TYW1B: variants seen among roughly 807,000 people sequenced by gnomAD.
TYW1B encodes the protein tRNA-yW synthesizing protein 1 homolog B.
A neutral mutation model predicts 86.9 loss-of-function variants in TYW1B; 73 were observed. The ratio of observed to expected loss-of-function variants is 0.84; its 90% CI spans 0.70 to 1.02. The LOEUF (loss-of-function observed/expected upper bound fraction) is 1.02. Among genes scored for constraint, TYW1B ranks in the 50% least tolerant of loss-of-function variants. TYW1B has a pLI of 0.00. For synonymous variants in TYW1B, 248 were observed against 292.8 expected, an observed-to-expected ratio of 0.85 and a Z score of 1.56; for missense variants, 637 against 827.4, an observed-to-expected ratio of 0.77 and a Z score of 2.82.
chr7:72,672,473 A>AACACAC (rs57744814), intron 11 of TYW1B, among the ~76,000 whole-genome samples: 32,436 of 140,670 alleles, frequency 0.23, 3,758 homozygotes, highest in Middle Eastern at 0.31. Flanking sequence ...TACACACACA[A>AACACAC]ACACACACAC....
intron 11 of TYW1B, among the ~76,000 whole-genome samples, chr7:72,631,536 A>G (rs1322154938): frequency 1.3e-5 from 2 of 152,026 alleles, no homozygotes; most frequent in South Asian, 4.1e-4. Context: ...AAATAAATAA[A>G]TGCATTTCTA....
intron 10 of TYW1B, among the ~76,000 whole-genome samples, chr7:72,705,321 A>G (rs1271965878): frequency 3.3e-5 from 5 of 152,260 alleles, no homozygotes; most frequent in Non-Finnish European, 5.9e-5. Context: ...AGCAAAAACT[A>G]GAGAAAAAAC....
At chr7:72,634,185 T>A (rs1444082178) in intron 11 of TYW1B, among the ~76,000 whole-genome samples, 1 of 151,928 alleles carries the variant, frequency 6.6e-6, no homozygotes, top group Non-Finnish European at 1.5e-5. Context: ...CCTCCTTTTT[T>A]TTTTCTGGCT....
intron 11 of TYW1B, among the ~76,000 whole-genome samples, chr7:72,662,422 T>C (rs1489799197): frequency 1.4e-5 from 1 of 70,014 alleles, no homozygotes; most frequent in African/African-American, 5.1e-5. Context: ...TTTTAATATA[T>C]ATATATAGAT....
At chr7:72,705,744 G>A (rs1814593554) in intron 10 of TYW1B, among the ~76,000 whole-genome samples, 1 of 152,166 alleles carries the variant, frequency 6.6e-6, no homozygotes, top group African/African-American at 2.4e-5. Context: ...GGATTCAAAT[G>A]TCCACAAGAT....
At chr7:72,768,871 G>A in intron 7 of TYW1B, 1 of 322,260 alleles carries the variant, frequency 3.1e-6, no homozygotes, top group Admixed American at 3.9e-5. Context: ...CTCTAAGAAT[G>A]GTTTACTGTG....
intron 11 of TYW1B, among the ~76,000 whole-genome samples, chr7:72,640,171 A>AG (rs1373114249): frequency 6.6e-6 from 1 of 152,084 alleles, no homozygotes; most frequent in East Asian, 1.9e-4. Flanking sequence ...AAAAAAATAG[A>AG]GAAAAAGACA....
At chr7:72,819,558 G>A (rs1363171166) in intron 2 of TYW1B, among the ~76,000 whole-genome samples, 6 of 152,144 alleles carry the variant, frequency 3.9e-5, no homozygotes, top group African/African-American at 9.6e-5. Flanking sequence ...TCAGCCACCC[G>A]AGTAGCTAGG....
intron 7 of TYW1B, among the ~76,000 whole-genome samples, chr7:72,771,578 A>AAAC (rs1254347369): frequency 6.6e-6 from 1 of 152,180 alleles, no homozygotes; most frequent in Non-Finnish European, 1.5e-5. Context: ...GAATAAAAAC[A>AAAC]AACAAAAAAA....
chr7:72,790,498 T>C (rs1348882742), intron 6 of TYW1B, among the ~76,000 whole-genome samples: 2 of 152,148 alleles, frequency 1.3e-5, no homozygotes, highest in Admixed American at 6.6e-5. Context: ...TCTGCCCCAC[T>C]GGGTCTGGCA....
intron 13 of TYW1B, among the ~76,000 whole-genome samples, chr7:72,592,715 CA>C (rs1811424894): frequency 1.3e-5 from 2 of 152,076 alleles, no homozygotes; most frequent in South Asian, 4.1e-4. Context: ...GTATTCCATG[CA>C]AACAGTAACC....
At chr7:72,587,911 C>A (rs1811309874) in intron 13 of TYW1B, among the ~76,000 whole-genome samples, 1 of 152,140 alleles carries the variant, frequency 6.6e-6, no homozygotes, top group Admixed American at 6.5e-5. Flanking sequence ...TAGGTGAGAT[C>A]TCTTTCTTTG....
intron 13 of TYW1B, among the ~76,000 whole-genome samples, chr7:72,583,306 T>C (rs571330033): frequency 2.0e-5 from 3 of 152,226 alleles, no homozygotes; most frequent in South Asian, 4.1e-4. Context: ...GCCGAGATCG[T>C]GCCACTGCAC....
intron 11 of TYW1B, among the ~76,000 whole-genome samples, chr7:72,685,554 T>C (rs537721023): frequency 9.7e-4 from 148 of 152,084 alleles, no homozygotes; most frequent in Non-Finnish European, 1.6e-3. Context: ...AGTAATACAA[T>C]GGGGAGAAGA....
intron 10 of TYW1B, among the ~76,000 whole-genome samples, chr7:72,705,881 C>T (rs1814596785): frequency 6.6e-6 from 1 of 152,148 alleles, no homozygotes; most frequent in Non-Finnish European, 1.5e-5. Context: ...TACAAGGTGT[C>T]GTCAGCATTA....
intron 11 of TYW1B, among the ~76,000 whole-genome samples, chr7:72,664,372 T>A (rs1813411076): frequency 6.6e-6 from 1 of 152,154 alleles, no homozygotes; most frequent in Admixed American, 6.6e-5. Context: ...AGGTAACTAG[T>A]AGATAACTAG....
intron 9 of TYW1B, among the ~76,000 whole-genome samples, chr7:72,725,329 C>T (rs1168494996): frequency 2.6e-5 from 4 of 152,300 alleles, no homozygotes; most frequent in African/African-American, 9.6e-5. Flanking sequence ...TTCCTCCTCA[C>T]ACAAACTGCC....
chr7:72,743,833 A>C (rs1554462920), intron 8 of TYW1B, among the ~76,000 whole-genome samples: 1 of 150,482 alleles, frequency 6.6e-6, no homozygotes, highest in African/African-American at 2.5e-5. Context: ...AACAAGAGCG[A>C]AACTCCATCT....
intron 7 of TYW1B, among the ~76,000 whole-genome samples, chr7:72,760,307 C>T (rs1787665570): frequency 1.3e-5 from 2 of 152,156 alleles, no homozygotes; most frequent in Admixed American, 6.5e-5. Flanking sequence ...AATCAAAGTG[C>T]ATGAAAACTG....
Sources: gnomAD v4.1 joint callset for allele counts (sites outside exome capture counted in the v4.1 genomes callset) on GRCh38, gnomAD v4.1.1 for gene constraint, MANE v1.5 for transcripts, NCBI Gene and HGNC (gene_info 2026-07-23, HGNC 2026-07-21) for gene names.